Variants in ACSF2 observed in about 807,000 individuals in gnomAD.
ACSF2 encodes the protein medium-chain acyl-CoA ligase ACSF2, mitochondrial.
In ACSF2, 52 loss-of-function variants were observed where a neutral mutation model predicts 79.3. The ratio of observed to expected loss-of-function variants is 0.66; its 90% CI spans 0.53 to 0.83. The LOEUF (loss-of-function observed/expected upper bound fraction) is 0.83, where lower values mean the gene tolerates loss of function less well. Ranked by LOEUF, ACSF2 falls within the 40% of genes least tolerant of loss-of-function variation. ACSF2 has a pLI of 0.00. For synonymous variants in ACSF2, 283 were observed against 312.6 expected (o/e 0.91, Z 1.00); for missense variants, 661 against 803.3 (o/e 0.82, Z 2.14).
At position 50,471,224 on chromosome 17, in the gene ACSF2, G is replaced by C; in HGVS notation, c.1323+89G>C. On this transcript the variant is annotated intron_variant, in intron 11 of 15. Coordinates refer to ENST00000300441, the MANE Select transcript of ACSF2 (RefSeq NM_025149.6). This position sits in a 1 kb window ranked among gnomAD's most constrained non-coding sequence, Gnocchi z 4.1. The stretch of plus-strand genomic sequence containing the variant: ...GGGACATCGGTTGCTTTCAGTGAGA[G>C]AGTCAAATGGCTCACTCAGGATGCC... 1 of 1,075,468 alleles carries C rather than the reference G, an allele frequency of 9.3e-7. No individual in the cohort carries two copies. Among genetic ancestry groups the C allele is most frequent in the Non-Finnish European group, 1.4e-6 (1 of 703,360 alleles). The allele number at this position is 1,075,468 out of a possible 1,614,324, so 66.6% of individuals were successfully genotyped here. A position where few individuals can be genotyped will look rare whatever the true frequency, so the allele number is the denominator to read the frequency against.
intron 1 of ACSF2, among the ~76,000 whole-genome samples, chr17:50,448,634 G>A (rs1358473060): frequency 6.6e-6 from 1 of 152,220 alleles, no homozygotes. Flanking sequence ...AGAAGACAAG[G>A]ATTTTTAAAG....
intron 1 of ACSF2, among the ~76,000 whole-genome samples, chr17:50,448,650 AT>A (rs1217735411): frequency 6.6e-6 from 1 of 152,246 alleles, no homozygotes; most frequent in Non-Finnish European, 1.5e-5. Context: ...TAAAGGTAAA[AT>A]GAGGGTTACA....
At chr17:50,466,417 G>A (rs1197554328) in intron 10 of ACSF2, among the ~76,000 whole-genome samples, 1 of 152,194 alleles carries the variant, frequency 6.6e-6, no homozygotes, top group Non-Finnish European at 1.5e-5. Flanking sequence ...TATGCAAATG[G>A]GGAAACGGAA....
At chr17:50,449,231 G>A (rs2031502276) in intron 1 of ACSF2, among the ~76,000 whole-genome samples, 2 of 151,606 alleles carry the variant, frequency 1.3e-5, no homozygotes, top group African/African-American at 4.8e-5. Context: ...TGCCCAGGGT[G>A]CTCTCGAACT....
intron 1 of ACSF2, among the ~76,000 whole-genome samples, chr17:50,447,937 G>A (rs542352995): frequency 6.6e-6 from 1 of 152,350 alleles, no homozygotes; most frequent in Non-Finnish European, 1.5e-5. Context: ...CCTTAGCTCA[G>A]CCTGAGCTTT....
intron 10 of ACSF2, among the ~76,000 whole-genome samples, chr17:50,470,371 G>C (rs2033052835): frequency 6.6e-6 from 1 of 152,068 alleles, no homozygotes; most frequent in African/African-American, 2.4e-5. Context: ...TGTTGCTCAG[G>C]CTTTCCAACC....
At chr17:50,462,657 G>T in intron 6 of ACSF2, 72 bp downstream of exon 6, 2 of 1,546,554 alleles carry the variant, frequency 1.3e-6, no homozygotes, top group Non-Finnish European at 1.8e-6. Flanking sequence ...CTTCCGCGGG[G>T]ATGGGGAGAC....
chr17:50,452,609 C>T (rs1402491485), intron 1 of ACSF2, among the ~76,000 whole-genome samples: 1 of 152,088 alleles, frequency 6.6e-6, no homozygotes, highest in Non-Finnish European at 1.5e-5. Context: ...GTGCAGCAAA[C>T]CACCATGGCA....
Position 50,426,396 on chromosome 17 carries a change from GC to G in ACSF2, c.128+13del, listed in dbSNP as rs1169143574. The stretch of plus-strand genomic sequence containing the variant: ...AGGGTGTCCGCTTCCTCAGGTACTG[GC>G]CCCCCGCGGGAAGAGAGGGGGCGGG... On this transcript the variant is annotated splice_region_variant and intron_variant, in intron 1 of 15. Coordinates refer to ENST00000300441, the MANE Select transcript of ACSF2 (RefSeq NM_025149.6). The G allele has an allele frequency of 6.8e-6, 9 of 1,329,010 alleles. No homozygotes were observed. The highest frequency in any genetic ancestry group is 2.5e-4 in the Middle Eastern group (1 of 3,946). The allele number at this position is 1,329,010 out of a possible 1,614,324, so 82.3% of individuals were successfully genotyped here. A position where few individuals can be genotyped will look rare whatever the true frequency, so the allele number is the denominator to read the frequency against.
chr17:50,463,083 C>A lies in ACSF2; in HGVS notation c.793-73C>A. The A allele has an allele frequency of 8.0e-7, 1 of 1,256,710 alleles. No homozygotes were observed. The highest frequency in any genetic ancestry group is 1.1e-6 in the Non-Finnish European group (1 of 871,110). 77.8% of individuals were successfully genotyped at this position (1,256,710 alleles called of 1,614,324 possible). On this transcript the variant is annotated intron_variant, in intron 6 of 15. Transcript: ENST00000300441. This position sits in a 1 kb window ranked among gnomAD's most constrained non-coding sequence, Gnocchi z 4.6. ...CTGTCTCCTGATTCCCGGTCCCGTG[C>A]TCTTCAAGGCAGTGGCCCAGGGTGG... is the stretch of plus-strand genomic sequence containing the variant.
At chr17:50,453,682 G>A (rs2031813424) in intron 1 of ACSF2, among the ~76,000 whole-genome samples, 1 of 152,106 alleles carries the variant, frequency 6.6e-6, no homozygotes, top group Non-Finnish European at 1.5e-5. Context: ...GGGAAAATTT[G>A]AATATTGATG....
chr17:50,462,529 C>T lies in ACSF2; in HGVS notation c.736C>T (p.Gln246Ter). Residue 246 changes from glutamine (Q) to a stop codon, truncating the protein, a stop_gained, in exon 6 of 16, where the codon CAA becomes TAA. Transcript: ENST00000300441. LOFTEE classifies it high-confidence loss of function. ...GSTRQHLDQLQYNQQFLSCHD... is the reference protein window; with the variant it reads ...GSTRQHLDQL ...CACACGGCAGCATCTGGACCAGCTC[C>T]AATACAACCAGCAGTTCCTGTCCTG... 1 of 1,613,978 alleles carries T rather than the reference C, an allele frequency of 6.2e-7. No homozygotes were observed. The highest frequency in any genetic ancestry group is 1.1e-5 in the South Asian group (1 of 91,070).
intron 10 of ACSF2, chr17:50,465,597 G>A: frequency 6.7e-7 from 1 of 1,485,190 alleles, no homozygotes; most frequent in Non-Finnish European, 9.3e-7. Context: ...AGGGTCCCAT[G>A]CTTATTAGGT....
chr17:50,462,151 G>A (rs991889499), intron 4 of ACSF2, 33 bp from the exon 5 acceptor site: 5 of 1,596,004 alleles, frequency 3.1e-6, no homozygotes, highest in Admixed American at 1.7e-5. Context: ...GGGGCTCCCC[G>A]CTGACTGGAG....
rs115751721 is a variant in ACSF2, at chr17:50,453,075, C to T, written c.129-7602C>T. On this transcript the variant is annotated intron_variant, in intron 1 of 15. Transcript: ENST00000300441. ...GGGGCATGGGCAGGCATGGCTGTAA[C>T]GTTGAGGCAGTTGCACCGGGTCCTC... Among the ~76,000 whole-genome samples the T allele has an allele frequency of 8.0e-3, 1,220 of 152,290 alleles. 21 individuals are homozygous for T. Among genetic ancestry groups the T allele is most frequent in the African/African-American group, 0.027 (1,121 of 41,552 alleles).
intron 1 of ACSF2, among the ~76,000 whole-genome samples, chr17:50,429,454 G>T (rs1325892996): frequency 2.0e-5 from 3 of 151,810 alleles, no homozygotes; most frequent in African/African-American, 7.3e-5. Flanking sequence ...TACATGTCCA[G>T]TCCTTGGGTC....
chr17:50,433,110 T>C (rs917305704), intron 1 of ACSF2, among the ~76,000 whole-genome samples: 1 of 109,600 alleles, frequency 9.1e-6, no homozygotes, highest in Non-Finnish European at 2.0e-5. Context: ...TTTTTCTTTT[T>C]CTTTTTTTTT....
intron 1 of ACSF2, among the ~76,000 whole-genome samples, chr17:50,435,277 A>G (rs956817742): frequency 3.3e-5 from 5 of 152,166 alleles, no homozygotes; most frequent in African/African-American, 4.8e-5. Flanking sequence ...AAACAGCTCA[A>G]TGTTTCAGAG....
Position 50,474,088 on chromosome 17 carries a change from G to T in ACSF2, c.1728+84G>T, listed in dbSNP as rs921485972. 1.9e-6 allele frequency: 3 copies of T among 1,577,596 alleles called. No homozygotes were observed. Among genetic ancestry groups the T allele is most frequent in the Non-Finnish European group, 1.7e-6 (2 of 1,153,878 alleles). On this transcript the variant is annotated intron_variant, in intron 14 of 15. Coordinates refer to ENST00000300441, the MANE Select transcript of ACSF2 (RefSeq NM_025149.6). This position sits in a 1 kb window ranked among gnomAD's most constrained non-coding sequence, Gnocchi z 4.2. ...TGCCAACCAGCCCAGGGTGGGGATT[G>T]CTCTGCCCTTGACGAAGCTGACTCC...
Sources: allele counts gnomAD v4.1 joint callset (sites outside exome capture counted in the v4.1 genomes callset), GRCh38; gene constraint gnomAD v4.1.1; non-coding constraint Gnocchi (gnomAD v3.1); transcripts MANE v1.5; gene names NCBI Gene and HGNC (gene_info 2026-07-23, HGNC 2026-07-21).